Variants in RALB observed in about 807,000 individuals in gnomAD.
The protein encoded by RALB is ras-related protein Ral-B.
RALB carries 16 observed loss-of-function variants against 21.3 expected under a neutral mutation model. That is an observed-to-expected ratio of 0.75 (90% CI 0.51 to 1.14). The LOEUF (loss-of-function observed/expected upper bound fraction) is 1.14. Ranked by LOEUF, RALB falls within the 50% of genes most tolerant of loss-of-function variation. RALB has a pLI of 0.00. For synonymous variants in RALB, 93 were observed against 96.1 expected (o/e 0.97, Z 0.19); for missense variants, 161 against 256.2 (o/e 0.63, Z 2.54).
chr2:120,273,665 C>G (rs1424730696), intron 1 of RALB, among the ~76,000 whole-genome samples: 2 of 152,174 alleles, frequency 1.3e-5, no homozygotes, highest in Non-Finnish European at 2.9e-5. Flanking sequence ...GTGGCCTATG[C>G]CCAGGAATAA....
chr2:120,266,226 AC>A (rs1689496558), intron 1 of RALB, among the ~76,000 whole-genome samples: 1 of 152,134 alleles, frequency 6.6e-6, no homozygotes, highest in Non-Finnish European at 1.5e-5. Flanking sequence ...ACCAGCCTGG[AC>A]AACATAGTCT....
chr2:120,277,339 G>C (rs983196610), intron 1 of RALB, among the ~76,000 whole-genome samples: 3 of 149,034 alleles, frequency 2.0e-5, no homozygotes, highest in Admixed American at 1.3e-4. Context: ...TGTGTGGTGT[G>C]AGCATGTGAA....
chr2:120,273,847 C>T (rs1432029652), intron 1 of RALB, among the ~76,000 whole-genome samples: 1 of 152,184 alleles, frequency 6.6e-6, no homozygotes, highest in African/African-American at 2.4e-5. Flanking sequence ...CTGTTCTTTC[C>T]CTTAATTATG....
intron 1 of RALB, among the ~76,000 whole-genome samples, chr2:120,271,053 T>A (rs1406724486): frequency 6.6e-6 from 1 of 152,194 alleles, no homozygotes; most frequent in Non-Finnish European, 1.5e-5. Context: ...AGGTTTCCCC[T>A]AGGTTTTCAG....
At chr2:120,253,466 T>C (rs1180761045) in intron 1 of RALB, 1 of 985,658 alleles carries the variant, frequency 1.0e-6, no homozygotes, top group Non-Finnish European at 1.2e-6. Context: ...GGTCCTGTCT[T>C]GCAAATGAGC....
chr2:120,284,403 AT>A (rs35585397), intron 2 of RALB, among the ~76,000 whole-genome samples: 102,943 of 149,818 alleles, frequency 0.69, 35,671 homozygotes, highest in Middle Eastern at 0.8. Context: ...AAAGTGTACA[AT>A]TTTTTTTTTT....
At chr2:120,284,745 C>T (rs1690082832) in intron 2 of RALB, among the ~76,000 whole-genome samples, 1 of 57,830 alleles carries the variant, frequency 1.7e-5, no homozygotes. Context: ...TTTCATCACT[C>T]CAAAAAAAAC....
intron 1 of RALB, among the ~76,000 whole-genome samples, chr2:120,275,759 G>A (rs1057107752): frequency 1.3e-5 from 2 of 152,140 alleles, no homozygotes; most frequent in African/African-American, 4.8e-5. Flanking sequence ...AAGTGGCCTC[G>A]TTGTCTGGAG....
chr2:120,258,766 T>C (rs1324362242), intron 1 of RALB, among the ~76,000 whole-genome samples: 2 of 152,186 alleles, frequency 1.3e-5, no homozygotes, highest in African/African-American at 4.8e-5. Flanking sequence ...GAGTCAAAAA[T>C]GACTTCCAGG....
chr2:120,293,420 G>A lies in RALB; in HGVS notation c.*160G>A. On this transcript the variant is annotated 3_prime_UTR_variant, in exon 5 of 5. Coordinates refer to ENST00000272519, the MANE Select transcript of RALB (RefSeq NM_002881.3). Reference sequence around the variant, plus strand: ...GAAAAATATTTGTGACTCTGTGGCTGGCAGAAGAAATAAGCCCATGCAAGT... The same window carrying A: ...GAAAAATATTTGTGACTCTGTGGCTAGCAGAAGAAATAAGCCCATGCAAGT... 1.5e-6 allele frequency: 1 copy of A among 675,456 alleles called. No homozygotes were observed. The highest frequency in any genetic ancestry group is 2.1e-6 in the Non-Finnish European group (1 of 466,102). The allele number at this position is 675,456 out of a possible 1,614,324, so 41.8% of individuals were successfully genotyped here.
chr2:120,289,512 T>C, intron 3 of RALB, 68 bp from the exon 4 acceptor site: 2 of 1,493,002 alleles, frequency 1.3e-6, no homozygotes, highest in Non-Finnish European at 1.8e-6. Context: ...TTATTTTAGA[T>C]GGGTTCACAA....
intron 1 of RALB, among the ~76,000 whole-genome samples, chr2:120,277,352 TGTG>T (rs1168100933): frequency 7.0e-6 from 1 of 142,920 alleles, no homozygotes. Context: ...CATGTGAACA[TGTG>T]TGTGAGAGCA....
At chr2:120,272,340 T>TG (rs1177128265) in intron 1 of RALB, among the ~76,000 whole-genome samples, 2 of 152,210 alleles carry the variant, frequency 1.3e-5, no homozygotes, top group East Asian at 3.9e-4. Flanking sequence ...GGGGGAAGTC[T>TG]AATTGCTTTG....
In RALB at chr2:120,278,756, C is replaced by T. The variant is rs1282975021; in HGVS notation, c.92C>T (p.Thr31Met). The T allele has an allele frequency of 1.9e-6, 3 of 1,582,210 alleles. No homozygotes were observed. The highest frequency in any genetic ancestry group is 3.6e-5 in the Admixed American group (2 of 55,744). The change falls in exon 2 of 5, where the codon ACG becomes ATG. Residue 31 changes from threonine (T) to methionine (M), a missense_variant. Coordinates refer to ENST00000272519, the MANE Select transcript of RALB (RefSeq NM_002881.3). ...GSGGVGKSAL[T>M]LQFMYDEFVE... Reference sequence around the variant, plus strand: ...GGAGGCGTTGGCAAGTCAGCCCTGACGCTTCAGTTCATGTATGACGAGGTA... The same window carrying T: ...GGAGGCGTTGGCAAGTCAGCCCTGATGCTTCAGTTCATGTATGACGAGGTA...
chr2:120,275,746 G>A (rs556286320), intron 1 of RALB, among the ~76,000 whole-genome samples: 4 of 152,254 alleles, frequency 2.6e-5, no homozygotes, highest in South Asian at 2.1e-4. Context: ...GAACACTCTC[G>A]TAAAGTGGCC....
chr2:120,241,278 C>A lies in RALB; in HGVS notation c.19+1153C>A, dbSNP rs940476181. Among the ~76,000 whole-genome samples, 13 of 152,340 alleles carry A rather than the reference C, an allele frequency of 8.5e-5. 1 individual carries two copies. The highest frequency in any genetic ancestry group is 2.6e-4 in the African/African-American group (11 of 41,576). On this transcript the variant is annotated intron_variant, in intron 1 of 3. Transcript: ENST00000447591. Reference sequence around the variant, plus strand: ...AGGTCCCCTGCAGGGAGAGAAACAGCCTGTTTGCCTCCTAGGAGCCAGAAA... The same window carrying A: ...AGGTCCCCTGCAGGGAGAGAAACAGACTGTTTGCCTCCTAGGAGCCAGAAA...
At chr2:120,249,219 G>A (rs571072946), upstream of RALB, among the ~76,000 whole-genome samples, 18 of 152,092 alleles carry the variant, frequency 1.2e-4, no homozygotes, top group Middle Eastern at 3.4e-3. Flanking sequence ...ATTTTTAGTA[G>A]AGATGGGGTT....
intron 1 of RALB, among the ~76,000 whole-genome samples, chr2:120,269,003 G>A (rs1368966406): frequency 2.0e-5 from 3 of 152,088 alleles, no homozygotes; most frequent in Non-Finnish European, 2.9e-5. Context: ...TTGGATCATT[G>A]CCATTTTGTA....
intron 1 of RALB, among the ~76,000 whole-genome samples, chr2:120,274,892 A>G (rs1226545514): frequency 2.6e-5 from 4 of 152,072 alleles, no homozygotes; most frequent in Non-Finnish European, 5.9e-5. Context: ...ACTGCCATTG[A>G]CTCTCATGAA....
Sources: gnomAD v4.1 joint callset for allele counts (sites outside exome capture counted in the v4.1 genomes callset) on GRCh38, gnomAD v4.1.1 for gene constraint, MANE v1.5 for transcripts, NCBI Gene and HGNC (gene_info 2026-07-23, HGNC 2026-07-21) for gene names.